Variants in CNTNAP2 observed in about 807,000 individuals in gnomAD.
CNTNAP2 encodes the protein contactin associated protein 2, also known as contactin-associated protein-like 2.
A neutral mutation model predicts 155.2 loss-of-function variants in CNTNAP2; 98 were observed. The observed-to-expected ratio is 0.63, with a 90% CI of 0.54 to 0.75. The LOEUF is 0.75. CNTNAP2 is among the 30% of genes least tolerant of loss of function. CNTNAP2 has a pLI of 0.00. For missense variants in CNTNAP2, 1,727 were observed against 1,688.1 expected (o/e 1.02, Z -0.40); for synonymous variants, 651 against 631.2 (o/e 1.03, Z -0.47).
intron 1 of CNTNAP2, among the ~76,000 whole-genome samples, chr7:146,700,049 G>A (rs2642503): frequency 0.029 from 4,417 of 152,226 alleles, 57 homozygotes; most frequent in Middle Eastern, 0.051. Context: ...AGAACAAGGG[G>A]ATTTTTCTCC....
At chr7:147,081,376 C>A (rs1483405856) in intron 4 of CNTNAP2, 6 of 151,360 alleles carry the variant, frequency 4.0e-5, no homozygotes, top group Non-Finnish European at 8.8e-5. Context: ...AAAACCAAAA[C>A]TGGCAATCCC....
chr7:148,322,908 C>A (rs1366504733), intron 21 of CNTNAP2, among the ~76,000 whole-genome samples: 1 of 151,412 alleles, frequency 6.6e-6, no homozygotes, highest in African/African-American at 2.4e-5. Flanking sequence ...TCCTTCAAAG[C>A]CCAGGTTGAA....
At chr7:148,301,511 T>A (rs918644307) in intron 21 of CNTNAP2, among the ~76,000 whole-genome samples, 2 of 152,036 alleles carry the variant, frequency 1.3e-5, no homozygotes, top group African/African-American at 4.8e-5. Context: ...TCTGTCCTCA[T>A]GGGGTTTAGC....
intron 15 of CNTNAP2, among the ~76,000 whole-genome samples, chr7:148,111,211 G>A (rs1201378988): frequency 6.6e-6 from 1 of 152,158 alleles, no homozygotes; most frequent in Non-Finnish European, 1.5e-5. Context: ...ATAAAAGAAG[G>A]GACCCCCAAA....
chr7:148,068,825 G>A (rs530268943), intron 15 of CNTNAP2, among the ~76,000 whole-genome samples: 12 of 152,246 alleles, frequency 7.9e-5, no homozygotes, highest in African/African-American at 2.9e-4. Context: ...AGTTTTCTCT[G>A]ACCCAGGTTG....
chr7:147,799,937 C>T (rs1797957759), intron 13 of CNTNAP2, among the ~76,000 whole-genome samples: 1 of 152,178 alleles, frequency 6.6e-6, no homozygotes, highest in African/African-American at 2.4e-5. Context: ...GGAAATTATA[C>T]ACAGTATGAT....
intron 1 of CNTNAP2, among the ~76,000 whole-genome samples, chr7:146,748,486 A>T (rs928017019): frequency 1.3e-5 from 2 of 152,092 alleles, no homozygotes; most frequent in South Asian, 4.1e-4. Flanking sequence ...TGGGGATTCA[A>T]AGCCTATTTT....
intron 4 of CNTNAP2, among the ~76,000 whole-genome samples, chr7:147,051,465 T>C (rs1211565698): frequency 6.6e-6 from 1 of 151,970 alleles, no homozygotes; most frequent in Admixed American, 6.6e-5. Flanking sequence ...AATGAATAAG[T>C]TAATAGTTTA....
intron 14 of CNTNAP2, among the ~76,000 whole-genome samples, chr7:147,920,136 A>G (rs1292684513): frequency 4.0e-5 from 6 of 151,848 alleles, no homozygotes; most frequent in Middle Eastern, 3.4e-3. Flanking sequence ...AGGCGGGCAG[A>G]TCACCAGGTC....
At chr7:147,321,859 C>A (rs1212061657) in intron 9 of CNTNAP2, among the ~76,000 whole-genome samples, 3 of 152,184 alleles carry the variant, frequency 2.0e-5, no homozygotes, top group Non-Finnish European at 2.9e-5. Flanking sequence ...TCACACATAG[C>A]ACCCTATTTT....
chr7:146,137,242 A>G (rs919520706), intron 1 of CNTNAP2, among the ~76,000 whole-genome samples: 2 of 152,184 alleles, frequency 1.3e-5, no homozygotes, highest in African/African-American at 4.8e-5. Flanking sequence ...TGAGACTAAC[A>G]AGTAAATCAT....
At chr7:146,711,756 T>C (rs1222004761) in intron 1 of CNTNAP2, among the ~76,000 whole-genome samples, 32 of 144,264 alleles carry the variant, frequency 2.2e-4, no homozygotes, top group African/African-American at 7.6e-4. Context: ...ACACATCTTA[T>C]GTATACATAT....
At position 146,575,156 on chromosome 7, in the gene CNTNAP2, G is replaced by A. The variant is rs918868369; in HGVS notation, c.98-199115G>A. On this transcript the variant is annotated intron_variant, in intron 1 of 23. Coordinates refer to ENST00000361727, the MANE Select transcript of CNTNAP2 (RefSeq NM_014141.6). ...TGTCAGAAGAACTTTTTTTTCTGTC[G>A]CCCAGGGTGGAGTGCAGTGGTGTGA... Among the ~76,000 whole-genome samples, 24 of 151,842 alleles carry A rather than the reference G, an allele frequency of 1.6e-4. 1 individual carries two copies. Among genetic ancestry groups the A allele is most frequent in the Admixed American group, 6.6e-5 (1 of 15,244 alleles).
chr7:146,233,579 AG>A (rs1240419479), intron 1 of CNTNAP2, among the ~76,000 whole-genome samples: 14 of 152,078 alleles, frequency 9.2e-5, no homozygotes, highest in Admixed American at 2.0e-4. Flanking sequence ...CTCGTCATTT[AG>A]CATTAGGTAT....
At chr7:146,269,210 C>A (rs1308542987) in intron 1 of CNTNAP2, among the ~76,000 whole-genome samples, 1 of 152,060 alleles carries the variant, frequency 6.6e-6, no homozygotes, top group African/African-American at 2.4e-5. Flanking sequence ...CACGGTGGCA[C>A]GCGCCTGTGG....
chr7:146,470,548 A>G (rs1326421530), intron 1 of CNTNAP2, among the ~76,000 whole-genome samples: 1 of 151,870 alleles, frequency 6.6e-6, no homozygotes, highest in Non-Finnish European at 1.5e-5. Flanking sequence ...TGCTATCCCT[A>G]ACTGCCATAT....
At chr7:146,593,494 C>T (rs1390004186) in intron 1 of CNTNAP2, among the ~76,000 whole-genome samples, 1 of 152,050 alleles carries the variant, frequency 6.6e-6, no homozygotes, top group East Asian at 1.9e-4. Context: ...TATTTTTGTG[C>T]TTTTAAACCT....
chr7:147,655,595 A>G (rs933555902), intron 13 of CNTNAP2, among the ~76,000 whole-genome samples: 1 of 152,190 alleles, frequency 6.6e-6, no homozygotes, highest in African/African-American at 2.4e-5. Context: ...AGGAATATTT[A>G]TTATTTTTTC....
intron 1 of CNTNAP2, among the ~76,000 whole-genome samples, chr7:146,195,661 T>A (rs1035046096): frequency 1.3e-5 from 2 of 152,132 alleles, no homozygotes; most frequent in African/African-American, 4.8e-5. Context: ...ACAATATTGG[T>A]GTCAGGATTC....
Sources: allele counts gnomAD v4.1 joint callset (sites outside exome capture counted in the v4.1 genomes callset), GRCh38; gene constraint gnomAD v4.1.1; transcripts MANE v1.5; gene names NCBI Gene and HGNC (gene_info 2026-07-23, HGNC 2026-07-21).